Variants in HADHB observed in about 807,000 individuals in gnomAD.
HADHB encodes trifunctional enzyme subunit beta, mitochondrial.
In HADHB, 50 loss-of-function variants were observed where a neutral mutation model predicts 61.9. The observed-to-expected ratio is 0.81, with a 90% CI of 0.64 to 1.02. HADHB has a LOEUF of 1.02. HADHB is among the 50% of genes least tolerant of loss of function. HADHB has a pLI of 0.00. For synonymous variants in HADHB, 191 were observed against 201.6 expected, an observed-to-expected ratio of 0.95 and a Z score of 0.45; for missense variants, 504 against 586.5, an observed-to-expected ratio of 0.86 and a Z score of 1.45.
chr2:26,266,865 C>A (rs1672103044), intron 4 of HADHB, among the ~76,000 whole-genome samples: 1 of 24,984 alleles, frequency 4.0e-5, no homozygotes, highest in South Asian at 1.4e-3. Context: ...GTGAGACACT[C>A]TCTCTCAAAA....
At chr2:26,287,164 A>G (rs905138613) in intron 15 of HADHB, among the ~76,000 whole-genome samples, 2 of 152,142 alleles carry the variant, frequency 1.3e-5, no homozygotes, top group East Asian at 1.9e-4. Flanking sequence ...AGATGGCGCC[A>G]TTGCACTCCA....
chr2:26,269,105 C>T (rs945222069), intron 4 of HADHB, among the ~76,000 whole-genome samples: 1 of 150,628 alleles, frequency 6.6e-6, no homozygotes, highest in Non-Finnish European at 1.5e-5. Context: ...GCTGAGATTG[C>T]GCCATTGCAC....
Position 26,284,927 on chromosome 2 carries a change from T to C in HADHB, c.1194T>C (p.Phe398=). ...TTAAAGCCATGGATTCTGATTGGTT[T>C]GCAGAAAACTACATGGGTAGAAAAA... is the stretch of plus-strand genomic sequence containing the variant. ...ANFKAMDSDW[F]AENYMGRKTK... is the part of the protein sequence containing the mutation. Residue 398 remains phenylalanine (F), a synonymous_variant, in exon 14 of 16, where the codon TTT becomes TTC. Coordinates refer to ENST00000317799, the MANE Select transcript of HADHB (RefSeq NM_000183.3). 1 of 1,595,136 alleles carries C rather than the reference T, an allele frequency of 6.3e-7. No individual in the cohort carries two copies. Among genetic ancestry groups the C allele is most frequent in the East Asian group, 2.2e-5 (1 of 44,764 alleles).
At position 26,270,909 on chromosome 2, in the gene HADHB, C is replaced by T. The variant is rs557304294; in HGVS notation, c.254+912C>T. On this transcript the variant is annotated intron_variant, in intron 5 of 15. Coordinates refer to ENST00000317799, the MANE Select transcript of HADHB (RefSeq NM_000183.3). ...TTTTTTTTTTTTTGAGACGGAGTCTCGCTCTGTCACCCAGGCTGGAGTGCA... is the reference window on the plus strand; with the variant it reads ...TTTTTTTTTTTTTGAGACGGAGTCTTGCTCTGTCACCCAGGCTGGAGTGCA... Among the ~76,000 whole-genome samples the T allele has an allele frequency of 9.2e-5, 13 of 141,624 alleles. 1 individual carries two copies. The South Asian group carries it at 2.3e-3, about 25-fold the overall frequency. The allele number at this position is 141,624 out of a possible 152,430, so 92.9% of individuals were successfully genotyped here. A position where few individuals can be genotyped will look rare whatever the true frequency, so the allele number is the denominator to read the frequency against.
intron 1 of HADHB, among the ~76,000 whole-genome samples, chr2:26,251,649 A>G (rs1272917055): frequency 1.3e-5 from 2 of 152,240 alleles, no homozygotes; most frequent in East Asian, 1.9e-4. Context: ...TGCCTCTCTC[A>G]TGGGCCTCTT....
chr2:26,256,357 T>A (rs1461658151), intron 3 of HADHB, among the ~76,000 whole-genome samples: 1 of 152,168 alleles, frequency 6.6e-6, no homozygotes, highest in Non-Finnish European at 1.5e-5. Context: ...CTCTTGAAGC[T>A]TGTGTGAATA....
At chr2:26,269,578 G>T (rs767658846) in intron 4 of HADHB, among the ~76,000 whole-genome samples, 4 of 152,064 alleles carry the variant, frequency 2.6e-5, no homozygotes, top group African/African-American at 4.8e-5. Flanking sequence ...ATCACCTGTA[G>T]CCCTGTAGGC....
chr2:26,283,318 A>G (rs933180201), intron 12 of HADHB, among the ~76,000 whole-genome samples: 2 of 152,074 alleles, frequency 1.3e-5, no homozygotes, highest in African/African-American at 4.8e-5. Flanking sequence ...AGGTCAGGAG[A>G]TTGAGACCAT....
chr2:26,263,619 A>G (rs1251336683), intron 4 of HADHB, 140 bp downstream of exon 4: 4 of 709,654 alleles, frequency 5.6e-6, no homozygotes, highest in East Asian at 2.7e-5. Context: ...TTAATATAGA[A>G]TAAGTCAAGA....
intron 4 of HADHB, among the ~76,000 whole-genome samples, chr2:26,269,368 A>G (rs940553069): frequency 6.6e-6 from 1 of 151,930 alleles, no homozygotes; most frequent in African/African-American, 2.4e-5. Flanking sequence ...CTAATTTTTA[A>G]TATTTTTTGT....
intron 4 of HADHB, among the ~76,000 whole-genome samples, chr2:26,264,179 C>T (rs1671973466): frequency 6.6e-6 from 1 of 152,090 alleles, no homozygotes. Context: ...TGTTAGGCAT[C>T]TGTTAAAAAG....
chr2:26,279,249 C>T lies in HADHB; in HGVS notation c.745C>T (p.His249Tyr). The T allele has an allele frequency of 6.2e-7, 1 of 1,613,448 alleles. No homozygotes were observed. Among genetic ancestry groups the T allele is most frequent in the African/African-American group, 1.3e-5 (1 of 75,012 alleles). Residue 249 changes from histidine to tyrosine, a missense_variant, in exon 9 of 16, where the codon CAC (histidine) becomes TAC (tyrosine). His to Tyr is a moderately conservative substitution (Grantham distance 83). Coordinates refer to ENST00000317799, the MANE Select transcript of HADHB (RefSeq NM_000183.3). ...ACAGGATGAATATGCACTGCGCTCTCACAGTCTAGCCAAGAAGGCACAGGA... is the reference window on the plus strand; with the variant it reads ...ACAGGATGAATATGCACTGCGCTCTTACAGTCTAGCCAAGAAGGCACAGGA... ...LEQDEYALRS[H>Y]SLAKKAQDEG...
chr2:26,255,334 T>C (rs1188720683), intron 3 of HADHB, among the ~76,000 whole-genome samples: 2 of 151,924 alleles, frequency 1.3e-5, no homozygotes, highest in Non-Finnish European at 2.9e-5. Context: ...ACCCCATCTC[T>C]ACTAAAAATA....
At chr2:26,276,491 G>A (rs1427027068) in intron 6 of HADHB, among the ~76,000 whole-genome samples, 1 of 152,236 alleles carries the variant, frequency 6.6e-6, no homozygotes, top group Non-Finnish European at 1.5e-5. Flanking sequence ...CAGACGGTCA[G>A]TAAGAGAAAC....
intron 7 of HADHB, 75 bp from the exon 8 acceptor site, chr2:26,278,539 A>G (rs1672649536): frequency 5.5e-6 from 7 of 1,275,608 alleles, no homozygotes; most frequent in African/African-American, 4.4e-5. Context: ...CAGCTTTTTA[A>G]TCAAGAAGCT....
intron 13 of HADHB, among the ~76,000 whole-genome samples, 153 bp downstream of exon 13, chr2:26,284,357 C>T (rs1014817689): frequency 2.6e-5 from 4 of 151,800 alleles, no homozygotes; most frequent in South Asian, 2.1e-4. Flanking sequence ...GGGAGGGGCC[C>T]GAGGGGAGGG....
In HADHB at chr2:26,261,257, A is replaced by G. The variant is rs79180294; in HGVS notation, c.110-2123A>G. On this transcript the variant is annotated intron_variant, in intron 3 of 15. Transcript: ENST00000317799. ...AACAAAAAAAGTATCTTTTATTGTT[A>G]AAGAGGAAATAGGAAATTTAAAAAT... The G allele has an allele frequency of 7.6e-3, 3,746 of 493,164 alleles. 107 individuals carry two copies. Among genetic ancestry groups the G allele is most frequent in the African/African-American group, 0.064 (3,288 of 51,196 alleles). The allele number at this position is 493,164 out of a possible 1,614,324, so 30.5% of individuals were successfully genotyped here. A position where few individuals can be genotyped will look rare whatever the true frequency, so the allele number is the denominator to read the frequency against.
intron 12 of HADHB, among the ~76,000 whole-genome samples, chr2:26,283,556 A>G (rs1055367678): frequency 6.6e-6 from 1 of 152,068 alleles, no homozygotes; most frequent in Admixed American, 6.6e-5. Context: ...AATAGTAGTA[A>G]TCCTTTCCAT....
chr2:26,269,144 C>T (rs543365492), intron 4 of HADHB, among the ~76,000 whole-genome samples: 198 of 149,406 alleles, frequency 1.3e-3, no homozygotes, highest in African/African-American at 4.5e-3. Flanking sequence ...AGCGAACCTC[C>T]GTCTTAAAAA....
Sources: allele counts gnomAD v4.1 joint callset (sites outside exome capture counted in the v4.1 genomes callset), GRCh38; gene constraint gnomAD v4.1.1; transcripts MANE v1.5; gene names NCBI Gene and HGNC (gene_info 2026-07-23, HGNC 2026-07-21).